SEMA3A: variants seen among roughly 807,000 people sequenced by gnomAD.
The protein encoded by SEMA3A is semaphorin-3A.
Under a neutral mutation model 97.9 loss-of-function variants are expected in SEMA3A, and 29 were observed. That is an observed-to-expected ratio of 0.30 (90% CI 0.22 to 0.40). SEMA3A has a LOEUF of 0.40. SEMA3A is among the 10% of genes least tolerant of loss of function. The pLI, the probability that SEMA3A is intolerant of heterozygous loss-of-function variation, is 1.00. For missense variants in SEMA3A, 763 were observed against 951.3 expected (o/e 0.80, Z 2.60); for synonymous variants, 321 against 323.7 (o/e 0.99, Z 0.09).
chr7:84,431,529 C>G (rs530541816), intron 1 of SEMA3A, among the ~76,000 whole-genome samples: 5 of 151,842 alleles, frequency 3.3e-5, no homozygotes, highest in Admixed American at 2.6e-4. Flanking sequence ...GAATTGCACT[C>G]AATGACTAAA....
intron 1 of SEMA3A, among the ~76,000 whole-genome samples, chr7:84,484,012 C>T (rs927725579): frequency 2.0e-5 from 3 of 151,092 alleles, no homozygotes; most frequent in Admixed American, 6.6e-5. Context: ...CCACTGCACT[C>T]CAGCTTGGGC....
chr7:84,352,701 T>C (rs1802466572), intron 2 of SEMA3A, among the ~76,000 whole-genome samples: 1 of 151,882 alleles, frequency 6.6e-6, no homozygotes, highest in Non-Finnish European at 1.5e-5. Flanking sequence ...GGTACTTGAT[T>C]ATGTAACATG....
chr7:84,331,335 C>A (rs1562906405), intron 2 of SEMA3A, among the ~76,000 whole-genome samples: 1 of 152,062 alleles, frequency 6.6e-6, no homozygotes, highest in African/African-American at 2.4e-5. Context: ...AGCCTTCTAC[C>A]TTAAACAAAG....
chr7:84,381,266 G>T (rs2116140318), intron 1 of SEMA3A, among the ~76,000 whole-genome samples: 1 of 152,194 alleles, frequency 6.6e-6, no homozygotes, highest in East Asian at 1.9e-4. Flanking sequence ...GCTTTTAATT[G>T]TTTTCTGATT....
At chr7:84,107,870 A>C (rs1407137528) in intron 4 of SEMA3A, among the ~76,000 whole-genome samples, 3 of 151,986 alleles carry the variant, frequency 2.0e-5, no homozygotes, top group Non-Finnish European at 4.4e-5. Flanking sequence ...TAAAAGGGGG[A>C]AGTTAGGAGA....
chr7:84,384,707 C>T (rs987993929), intron 1 of SEMA3A, among the ~76,000 whole-genome samples: 11 of 152,068 alleles, frequency 7.2e-5, no homozygotes, highest in Non-Finnish European at 1.5e-4. Flanking sequence ...ATTGAAGAAA[C>T]AAAAATGGGC....
chr7:84,322,005 A>C (rs10254748), intron 2 of SEMA3A, among the ~76,000 whole-genome samples: 12 of 151,716 alleles, frequency 7.9e-5, no homozygotes, highest in South Asian at 4.2e-4. Context: ...GGACTCGGAA[A>C]ACTTATCATG....
intron 4 of SEMA3A, among the ~76,000 whole-genome samples, chr7:84,093,906 C>T (rs926175209): frequency 3.5e-5 from 5 of 140,984 alleles, no homozygotes; most frequent in African/African-American, 1.3e-4. Context: ...AACAAACCTG[C>T]ACATGCATCC....
At chr7:84,196,232 T>A (rs1466819049), upstream of SEMA3A, among the ~76,000 whole-genome samples, 1 of 150,884 alleles carries the variant, frequency 6.6e-6, no homozygotes, top group Non-Finnish European at 1.5e-5. Flanking sequence ...ATTAAAAACA[T>A]AAACACCTAC....
intron 1 of SEMA3A, among the ~76,000 whole-genome samples, chr7:84,477,479 T>G (rs1290011598): frequency 6.6e-6 from 1 of 151,542 alleles, no homozygotes; most frequent in Non-Finnish European, 1.5e-5. Flanking sequence ...AAAATATTCT[T>G]TGCATAAAAT....
intron 3 of SEMA3A, among the ~76,000 whole-genome samples, chr7:84,240,849 T>C (rs1418913514): frequency 6.6e-6 from 1 of 152,186 alleles, no homozygotes; most frequent in Non-Finnish European, 1.5e-5. Flanking sequence ...AGTGAGAACA[T>C]GCTGTGTTTG....
At chr7:84,116,091 T>C (rs1050993286) in intron 3 of SEMA3A, among the ~76,000 whole-genome samples, 1 of 152,174 alleles carries the variant, frequency 6.6e-6, no homozygotes, top group African/African-American at 2.4e-5. Flanking sequence ...AGAGGAATGC[T>C]TGATTTCATT....
chr7:84,152,608 G>T (rs540305925), intron 1 of SEMA3A, among the ~76,000 whole-genome samples: 2 of 144,738 alleles, frequency 1.4e-5, no homozygotes, highest in Admixed American at 6.9e-5. Context: ...CGAGTTAGTG[G>T]GTGCAGCACA....
At chr7:84,062,072 T>A (rs1237783286) in intron 4 of SEMA3A, among the ~76,000 whole-genome samples, 1 of 152,144 alleles carries the variant, frequency 6.6e-6, no homozygotes, top group Non-Finnish European at 1.5e-5. Context: ...ATTTGGAGGG[T>A]TAAATAATTT....
intron 1 of SEMA3A, among the ~76,000 whole-genome samples, chr7:84,376,786 T>C (rs1018738413): frequency 3.3e-5 from 5 of 152,046 alleles, no homozygotes; most frequent in African/African-American, 1.2e-4. Context: ...TTTATGATGT[T>C]TGTGTGTCTT....
In SEMA3A at chr7:84,466,161, T is replaced by TTTTG. The variant is rs34178034; in HGVS notation, c.-246+26295_-246+26298dup. Among the ~76,000 whole-genome samples, 571 of 151,508 alleles carry TTTTG rather than the reference T, an allele frequency of 3.8e-3. 1 individual carries two copies. Among genetic ancestry groups the TTTTG allele is most frequent in the Non-Finnish European group, 5.7e-3 (386 of 67,932 alleles). ...TTTTCTTTTTTGTTGTTGTTAGGTT[T>TTTTG]TTTGTTTGTTTGTTTGTTTGTTTGC... On this transcript the variant is annotated intron_variant, in intron 1 of 3. Coordinates refer to the SEMA3A transcript ENST00000424555.
chr7:84,402,226 CACGGCTGGGTAT>C (rs1393739477), intron 1 of SEMA3A, among the ~76,000 whole-genome samples: 6 of 151,912 alleles, frequency 3.9e-5, no homozygotes, highest in African/African-American at 1.5e-4. Flanking sequence ...AAATCGACAC[CACGGCTGGGTAT>C]ATGGAAAAAT....
At chr7:84,098,147 T>C (rs1346974756) in intron 4 of SEMA3A, among the ~76,000 whole-genome samples, 1 of 152,102 alleles carries the variant, frequency 6.6e-6, no homozygotes, top group Non-Finnish European at 1.5e-5. Context: ...GTTGATAATA[T>C]ACTGGTATTC....
intron 1 of SEMA3A, among the ~76,000 whole-genome samples, chr7:84,412,819 C>T (rs558307738): frequency 1.2e-4 from 18 of 152,242 alleles, no homozygotes; most frequent in African/African-American, 3.6e-4. Flanking sequence ...TGCAACGACA[C>T]TTCTCCCAGC....
Sources: gnomAD v4.1 joint callset for allele counts (sites outside exome capture counted in the v4.1 genomes callset) on GRCh38, gnomAD v4.1.1 for gene constraint, MANE v1.5 for transcripts, NCBI Gene and HGNC (gene_info 2026-07-23, HGNC 2026-07-21) for gene names.